LAMA1: variants seen among roughly 807,000 people sequenced by gnomAD.
LAMA1 encodes the protein laminin subunit alpha 1.
Under a neutral mutation model 348.7 loss-of-function variants are expected in LAMA1, and 219 were observed. The observed-to-expected ratio is 0.63, with a 90% confidence interval of 0.56 to 0.70. The LOEUF (loss-of-function observed/expected upper bound fraction) is 0.70, where lower values mean the gene tolerates loss of function less well. Among genes scored for constraint, LAMA1 ranks in the 30% least tolerant of loss-of-function variants. The pLI is 0.00. For missense variants in LAMA1, 3,744 were observed against 3,888.0 expected (o/e 0.96, Z 0.99); for synonymous variants, 1,487 against 1,491.0 (o/e 1.00, Z 0.06).
At chr18:7,061,957 T>C (rs2058103467) in intron 3 of LAMA1, among the ~76,000 whole-genome samples, 2 of 152,014 alleles carry the variant, frequency 1.3e-5, no homozygotes, top group Admixed American at 6.6e-5. Flanking sequence ...CAATGACTGC[T>C]CCTCCCTTGA....
At position 6,947,164 on chromosome 18, in the gene LAMA1, T is replaced by C; in HGVS notation, c.8843A>G (p.Lys2948Arg). ...DAIGLELVDG[K>R]VLFHVNNGAG... ...CCCTCATGGAGAGGAAGCACCCACC[T>C]TGCCGTCCACAAGCTCTAGTCCAAT... Residue 2948 changes from lysine (K) to arginine (R), a missense_variant and splice_region_variant, in exon 61 of 63, where the codon AAG (lysine) becomes AGG (arginine). Physicochemically the swap from Lys to Arg is conservative, Grantham distance 26. Around this residue, in one of 3 missense-constraint regions of LAMA1, gnomAD observed 232 missense variants for 264.4 expected, o/e 0.88. Transcript: ENST00000389658. 6.2e-7 allele frequency: 1 copy of C among 1,614,248 alleles called. No individual in the cohort carries two copies. The highest frequency in any genetic ancestry group is 8.5e-7 in the Non-Finnish European group (1 of 1,180,038).
In LAMA1 at chr18:7,010,221, T is replaced by G. The variant is rs768698560; in HGVS notation, c.3852A>C (p.Glu1284Asp). The part of the protein sequence containing the change: ...APAPENGVRQ[E>D]QEVAMRENFW... ...TCACCTCTCTCATTGCTACTTCTTGTTCCTGTCTCACTCCATTCTCTGGGG... is the reference window on the plus strand; with the variant it reads ...TCACCTCTCTCATTGCTACTTCTTGGTCCTGTCTCACTCCATTCTCTGGGG... The change falls in exon 26 of 63, where the codon GAA (glutamate) becomes GAC (aspartate). Residue 1284 changes from glutamate (E) to aspartate (D), a missense_variant. Transcript: ENST00000389658. 6.2e-7 allele frequency: 1 copy of G among 1,614,210 alleles called. No homozygotes were observed. Among genetic ancestry groups the G allele is most frequent in the South Asian group, 1.1e-5 (1 of 91,076 alleles).
intron 16 of LAMA1, among the ~76,000 whole-genome samples, chr18:7,027,572 G>GA (rs1397809356): frequency 1.4e-5 from 2 of 147,044 alleles, no homozygotes; most frequent in Non-Finnish European, 3.0e-5. Context: ...CCACAATCAG[G>GA]GGAAAAAAAA....
intron 51 of LAMA1, among the ~76,000 whole-genome samples, chr18:6,963,062 AT>A (rs146895709): frequency 0.049 from 7,029 of 144,104 alleles, 490 homozygotes; most frequent in African/African-American, 0.16. Context: ...GCCACACCTC[AT>A]TTTTTTTTTT....
chr18:7,056,700 G>A (rs2058083458), intron 3 of LAMA1, among the ~76,000 whole-genome samples: 1 of 152,106 alleles, frequency 6.6e-6, no homozygotes, highest in Admixed American at 6.5e-5. Flanking sequence ...ACATTCACCT[G>A]GAGACCGGGT....
Position 7,080,094 on chromosome 18 carries a change from AAAG to A in LAMA1, c.233-10_233-8del. The A allele has an allele frequency of 6.2e-7, 1 of 1,607,548 alleles. No homozygotes were observed. Among genetic ancestry groups the A allele is most frequent in the Non-Finnish European group, 8.5e-7 (1 of 1,174,298 alleles). The stretch of plus-strand genomic sequence containing the variant: ...TGTGATATTGGATGGCGTTCTGTTG[AAAG>A]AAAATAAAAAACATGAATTCCTCTC... On this transcript the variant is annotated splice_region_variant and splice_polypyrimidine_tract_variant and intron_variant, in intron 2 of 62. Transcript: ENST00000389658.
chr18:6,948,644 C>G (rs1335711976), intron 59 of LAMA1, 88 bp from the exon 60 acceptor site: 39 of 1,406,670 alleles, frequency 2.8e-5, no homozygotes, highest in Non-Finnish European at 3.9e-5. Flanking sequence ...TCAGACTGGT[C>G]TCAGCAAAAC....
intron 52 of LAMA1, 74 bp from the exon 53 acceptor site, chr18:6,961,833 T>C: frequency 1.3e-6 from 2 of 1,583,828 alleles, no homozygotes; most frequent in Non-Finnish European, 1.7e-6. Context: ...AGGACACTGC[T>C]GATTTCCCCA....
chr18:6,973,634 T>C (rs2057668389), intron 46 of LAMA1, among the ~76,000 whole-genome samples: 1 of 152,206 alleles, frequency 6.6e-6, no homozygotes, highest in Admixed American at 6.5e-5. Flanking sequence ...CACCCCCCAC[T>C]TGCATCCTTA....
At chr18:6,978,526 T>C in intron 42 of LAMA1, 148 bp from the exon 43 acceptor site, 2 of 811,942 alleles carry the variant, frequency 2.5e-6, no homozygotes, top group South Asian at 1.7e-5. Flanking sequence ...TGTTTGCTTT[T>C]TTTTCTTTTG....
chr18:7,117,538 C>T, intron 1 of LAMA1, 122 bp downstream of exon 1: 1 of 1,035,516 alleles, frequency 9.7e-7, no homozygotes, highest in Non-Finnish European at 1.4e-6. Context: ...GACACCCACT[C>T]CGAGGTGGAT....
rs2058052766 is a variant in LAMA1 at position 7,049,074 on chromosome 18, T to C, written c.768+4A>G. 5 of 1,612,982 alleles carry C rather than the reference T, an allele frequency of 3.1e-6. No homozygotes were observed. Among genetic ancestry groups the C allele is most frequent in the Non-Finnish European group, 4.2e-6 (5 of 1,179,116 alleles). ...ATTTGGCAGGACTGCCGTCCCATACTCACGCGTCTGGTAACAATAGGATCC... is the reference window on the plus strand; with the variant it reads ...ATTTGGCAGGACTGCCGTCCCATACCCACGCGTCTGGTAACAATAGGATCC... On this transcript the variant is annotated splice_donor_region_variant and intron_variant, in intron 5 of 62. Coordinates refer to ENST00000389658, the MANE Select transcript of LAMA1 (RefSeq NM_005559.4).
At chr18:7,073,287 T>TA (rs1374521069) in intron 3 of LAMA1, among the ~76,000 whole-genome samples, 1 of 152,212 alleles carries the variant, frequency 6.6e-6, no homozygotes, top group East Asian at 1.9e-4. Context: ...ACCACGACTT[T>TA]AGCCATGTTT....
chr18:6,965,480 T>G (rs745842443), intron 49 of LAMA1, 48 bp from the exon 50 acceptor site: 1 of 1,604,522 alleles, frequency 6.2e-7, no homozygotes. Context: ...TTATCCCAGG[T>G]TTCCCTTTCC....
At chr18:7,096,655 T>A (rs1342082413) in intron 1 of LAMA1, among the ~76,000 whole-genome samples, 2 of 152,090 alleles carry the variant, frequency 1.3e-5, no homozygotes, top group East Asian at 3.9e-4. Context: ...ACACTCTCTC[T>A]CTCTCTCTCT....
intron 3 of LAMA1, 27 bp downstream of exon 3, chr18:7,079,948 C>G: frequency 6.6e-7 from 1 of 1,520,050 alleles, no homozygotes; most frequent in South Asian, 1.1e-5. Context: ...CCTGTAGACA[C>G]TCTTCAATGG....
At chr18:7,093,459 A>G (rs909127386) in intron 1 of LAMA1, among the ~76,000 whole-genome samples, 12 of 152,112 alleles carry the variant, frequency 7.9e-5, no homozygotes, top group South Asian at 2.1e-4. Context: ...GAATTAGGGG[A>G]ATCTCAAGAG....
chr18:7,097,496 T>C (rs376795645), intron 1 of LAMA1, among the ~76,000 whole-genome samples: 1,228 of 122,562 alleles, frequency 0.01, 17 homozygotes, highest in African/African-American at 0.028. Context: ...AAATCTCAGC[T>C]GGCTTTTTTT....
At chr18:7,107,851 A>G (rs1258916342) in intron 1 of LAMA1, among the ~76,000 whole-genome samples, 2 of 151,168 alleles carry the variant, frequency 1.3e-5, no homozygotes, top group Non-Finnish European at 2.9e-5. Flanking sequence ...CGTCTCTACT[A>G]AAAATACAAA....
Sources: allele counts gnomAD v4.1 joint callset (sites outside exome capture counted in the v4.1 genomes callset), GRCh38; gene constraint gnomAD v4.1.1; regional missense constraint gnomAD v4.1.1; transcripts MANE v1.5; gene names NCBI Gene and HGNC (gene_info 2026-07-23, HGNC 2026-07-21).